TMPRSS11A: variants seen among roughly 807,000 people sequenced by gnomAD.
TMPRSS11A encodes the protein transmembrane protease serine 11A.
TMPRSS11A carries 53 observed loss-of-function variants against 58.9 expected under a neutral mutation model. The ratio of observed to expected loss-of-function variants is 0.90; its 90% CI spans 0.72 to 1.13. The LOEUF (loss-of-function observed/expected upper bound fraction) is 1.13, where lower values mean the gene tolerates loss of function less well. TMPRSS11A is among the 50% of genes most tolerant of loss of function. The probability of loss-of-function intolerance (pLI) is 0.00; values close to 1 mark genes in which losing one functional copy is unlikely to be tolerated. For missense variants in TMPRSS11A, 493 were observed against 499.3 expected (o/e 0.99, Z 0.12); for synonymous variants, 167 against 169.8 (o/e 0.98, Z 0.13).
At chr4:67,928,579 C>T (rs553920725) in intron 5 of TMPRSS11A, among the ~76,000 whole-genome samples, 1 of 152,302 alleles carries the variant, frequency 6.6e-6, no homozygotes, top group African/African-American at 2.4e-5. Context: ...TATCAGAATG[C>T]CCATTGTTTC....
chr4:67,930,829 T>TTTTTAAAA (rs1265700805), intron 4 of TMPRSS11A, among the ~76,000 whole-genome samples: 1 of 90,158 alleles, frequency 1.1e-5, no homozygotes, highest in East Asian at 5.0e-4. Context: ...TTTTTTTTTT[T>TTTTTAAAA]ACAAAAAAAA....
At chr4:67,959,453 C>G (rs563144838) in intron 1 of TMPRSS11A, among the ~76,000 whole-genome samples, 1 of 152,318 alleles carries the variant, frequency 6.6e-6, no homozygotes, top group East Asian at 1.9e-4. Context: ...AACCATGCAT[C>G]TGACAAAGGT....
chr4:67,941,467 G>A (rs113315846), intron 3 of TMPRSS11A, among the ~76,000 whole-genome samples: 1,652 of 152,268 alleles, frequency 0.011, 27 homozygotes, highest in African/African-American at 0.037. Flanking sequence ...TCCTCAACAT[G>A]TAATTTAGCC....
At chr4:67,916,530 T>G (rs1720151693) in intron 8 of TMPRSS11A, among the ~76,000 whole-genome samples, 1 of 151,574 alleles carries the variant, frequency 6.6e-6, no homozygotes, top group Non-Finnish European at 1.5e-5. Flanking sequence ...TATCATCAAT[T>G]AAAAACATTC....
At chr4:67,948,756 A>G (rs17088811) in intron 1 of TMPRSS11A, among the ~76,000 whole-genome samples, 2,413 of 152,302 alleles carry the variant, frequency 0.016, 73 homozygotes, top group African/African-American at 0.055. Flanking sequence ...AACCTCCTAA[A>G]TGGCTTAAAA....
chr4:67,935,522 A>T (rs1720731017), intron 3 of TMPRSS11A, among the ~76,000 whole-genome samples: 1 of 152,130 alleles, frequency 6.6e-6, no homozygotes, highest in Non-Finnish European at 1.5e-5. Flanking sequence ...TTATATATTT[A>T]TGCAATATAT....
intron 1 of TMPRSS11A, among the ~76,000 whole-genome samples, chr4:67,952,068 T>G (rs533768782): frequency 1.3e-5 from 2 of 152,366 alleles, no homozygotes; most frequent in South Asian, 4.1e-4. Flanking sequence ...GACCATTTAA[T>G]ACCTGAAATG....
At chr4:67,921,437 G>T (rs1054846261) in intron 7 of TMPRSS11A, among the ~76,000 whole-genome samples, 1 of 152,064 alleles carries the variant, frequency 6.6e-6, no homozygotes, top group Non-Finnish European at 1.5e-5. Flanking sequence ...GGGCTTAAGG[G>T]ATCCTCCTGC....
At position 67,963,321 on chromosome 4, in the gene TMPRSS11A, G is replaced by T. The variant is rs74365988; in HGVS notation, c.11+62C>A. 32 of 1,583,692 alleles carry T rather than the reference G, an allele frequency of 2.0e-5. No homozygotes were observed. The East Asian group carries it at 6.7e-4, about 33-fold the overall frequency. On this transcript the variant is annotated intron_variant, in intron 1 of 9. Transcript: ENST00000508048. ...CACTAGCAGTCCTCTTACACATCAG[G>T]AATCCGGCCACTGACAGACAGTACA...
chr4:67,959,035 C>T (rs1560576354), intron 1 of TMPRSS11A, among the ~76,000 whole-genome samples: 1 of 152,158 alleles, frequency 6.6e-6, no homozygotes, highest in African/African-American at 2.4e-5. Flanking sequence ...GTGCATTAAA[C>T]CTCTTTCTTT....
chr4:67,929,921 A>G lies in TMPRSS11A; in HGVS notation c.440T>C (p.Leu147Ser). Residue 147 changes from leucine (L) to serine (S), a missense_variant, in exon 5 of 10, where the codon TTA becomes TCA. Leu to Ser is a moderately radical substitution (Grantham distance 145, BLOSUM62 -2). Transcript: ENST00000508048. ...QSILNQKIRN[L>S]RALPINASSV... ...TGAGGCATTTATTGGCAAGGCTCTT[A>G]AATTCCTTATCTTCTGATTTAAGAT... is the stretch of plus-strand genomic sequence containing the variant. 6.2e-7 allele frequency: 1 copy of G among 1,613,678 alleles called. No individual in the cohort carries two copies. The highest frequency in any genetic ancestry group is 1.1e-5 in the South Asian group (1 of 90,978).
chr4:67,917,476 T>C (rs934547639), intron 8 of TMPRSS11A, among the ~76,000 whole-genome samples: 13 of 152,210 alleles, frequency 8.5e-5, no homozygotes, highest in Non-Finnish European at 1.5e-4. Context: ...ACAATTTCAA[T>C]TTTAAAAAAC....
intron 1 of TMPRSS11A, among the ~76,000 whole-genome samples, chr4:67,961,486 T>TC (rs1560577115): frequency 3.6e-4 from 1 of 2,806 alleles, no homozygotes; most frequent in Non-Finnish European, 7.3e-4. Context: ...TCTTTTCCTT[T>TC]TTTTTTTTTT....
chr4:67,935,013 G>A (rs1161611255), intron 3 of TMPRSS11A, among the ~76,000 whole-genome samples: 1 of 151,916 alleles, frequency 6.6e-6, no homozygotes, highest in Non-Finnish European at 1.5e-5. Context: ...CCAAAACCAT[G>A]CTGTGAAAAA....
chr4:67,942,825 C>G (rs1228796455), intron 3 of TMPRSS11A, among the ~76,000 whole-genome samples: 1 of 151,998 alleles, frequency 6.6e-6, no homozygotes, highest in Non-Finnish European at 1.5e-5. Context: ...AAGATACACA[C>G]TATGAATTAG....
intron 3 of TMPRSS11A, among the ~76,000 whole-genome samples, chr4:67,941,901 C>T (rs866576359): frequency 6.6e-6 from 1 of 152,092 alleles, no homozygotes; most frequent in East Asian, 1.9e-4. Context: ...TTACAGATTT[C>T]GGTTTCATAA....
At position 67,911,337 on chromosome 4, in the gene TMPRSS11A, G is replaced by A. The variant is rs371262351; in HGVS notation, c.*5C>T. ...CAGCTTTCTTTGTTTAACTTTTATC[G>A]TGAATTAGATGCCTGTTTTTGAAGC... On this transcript the variant is annotated 3_prime_UTR_variant, in exon 10 of 10. Transcript: ENST00000508048. 2.9e-5 allele frequency: 47 copies of A among 1,611,668 alleles called. No homozygotes were observed. The highest frequency in any genetic ancestry group is 4.0e-5 in the African/African-American group (3 of 74,734).
chr4:67,930,405 C>G (rs1393003984), intron 4 of TMPRSS11A, among the ~76,000 whole-genome samples: 1 of 152,144 alleles, frequency 6.6e-6, no homozygotes, highest in Admixed American at 6.5e-5. Context: ...AATTGGCCCT[C>G]TAATGACAGT....
chr4:67,925,917 C>T (rs1452547671), intron 5 of TMPRSS11A, among the ~76,000 whole-genome samples: 1 of 152,164 alleles, frequency 6.6e-6, no homozygotes, highest in African/African-American at 2.4e-5. Flanking sequence ...ACTGTCAATA[C>T]ACAAGTAACT....
Sources: gnomAD v4.1 joint callset for allele counts (sites outside exome capture counted in the v4.1 genomes callset) on GRCh38, gnomAD v4.1.1 for gene constraint, MANE v1.5 for transcripts, NCBI Gene and HGNC (gene_info 2026-07-23, HGNC 2026-07-21) for gene names.